CDH4: variants seen among roughly 807,000 people sequenced by gnomAD.
The protein encoded by CDH4 is cadherin 4.
A neutral mutation model predicts 86.0 loss-of-function variants in CDH4; 33 were observed. The observed-to-expected ratio is 0.38, with a 90% confidence interval of 0.29 to 0.51. CDH4 has a LOEUF of 0.51. Among genes scored for constraint, CDH4 ranks in the 20% least tolerant of loss-of-function variants. The pLI is 0.86. For synonymous variants in CDH4, 555 were observed against 549.4 expected (o/e 1.01, Z -0.14); for missense variants, 1,114 against 1,307.4 (o/e 0.85, Z 2.28).
rs372669959 is a variant in CDH4 at position 61,254,799 on chromosome 20, T to C, written c.58-27T>C. ...GATTAAATTTCTGTGAACTTATTGTTTTACACTCTCCCCTTTGTGTTCTCA... is the reference window on the plus strand; with the variant it reads ...GATTAAATTTCTGTGAACTTATTGTCTTACACTCTCCCCTTTGTGTTCTCA... On this transcript the variant is annotated intron_variant, in intron 1 of 15. Transcript: ENST00000614565. The C allele has an allele frequency of 8.2e-6, 11 of 1,338,406 alleles. No homozygotes were observed. In the African/African-American group the frequency reaches 1.6e-4, roughly 19 times the overall value. 82.9% of individuals were successfully genotyped at this position (1,338,406 alleles called of 1,614,324 possible).
intron 2 of CDH4, among the ~76,000 whole-genome samples, chr20:61,299,083 G>C (rs1307975846): frequency 1.3e-5 from 2 of 152,128 alleles, no homozygotes; most frequent in Non-Finnish European, 2.9e-5. Context: ...AAAAATGGGG[G>C]GTCTTTGTAG....
At chr20:61,546,286 G>A (rs539332622) in intron 2 of CDH4, among the ~76,000 whole-genome samples, 115 of 145,312 alleles carry the variant, frequency 7.9e-4, no homozygotes, top group Admixed American at 3.8e-3. Flanking sequence ...TGGTGTGTGC[G>A]CTCGAGTGTG....
At chr20:61,286,097 A>G (rs2084291680) in intron 2 of CDH4, among the ~76,000 whole-genome samples, 1 of 152,206 alleles carries the variant, frequency 6.6e-6, no homozygotes, top group Non-Finnish European at 1.5e-5. Context: ...TCAGAGGGAG[A>G]TGGTGCTCAG....
intron 2 of CDH4, among the ~76,000 whole-genome samples, chr20:61,503,396 A>T (rs2085718612): frequency 6.6e-6 from 1 of 152,228 alleles, no homozygotes; most frequent in African/African-American, 2.4e-5. Flanking sequence ...GGGGTCGTAA[A>T]AGTAAAGATA....
At chr20:61,656,909 A>G (rs959053226) in intron 2 of CDH4, among the ~76,000 whole-genome samples, 2 of 152,162 alleles carry the variant, frequency 1.3e-5, no homozygotes, top group Non-Finnish European at 2.9e-5. Context: ...GCCAGCCTTC[A>G]CAACCATCAG....
chr20:61,546,397 A>G (rs1180516095), intron 2 of CDH4, among the ~76,000 whole-genome samples: 1 of 149,278 alleles, frequency 6.7e-6, no homozygotes, highest in Non-Finnish European at 1.5e-5. Flanking sequence ...GCACACATGC[A>G]TGTGCGTGTG....
intron 4 of CDH4, among the ~76,000 whole-genome samples, chr20:61,822,859 C>T (rs1268636185): frequency 5.9e-5 from 9 of 152,338 alleles, no homozygotes; most frequent in East Asian, 1.9e-4. Context: ...GCCTTCCTCC[C>T]GTGATCTGTG....
Position 61,376,497 on chromosome 20 carries a change from A to G in CDH4, c.169+121560A>G, listed in dbSNP as rs981488652. ...GAAGTGGGGCAGGGGAACCTGCAGC[A>G]GGGACTGAGAGGGACATGGTGAGGA... On this transcript the variant is annotated intron_variant, in intron 2 of 15. Coordinates refer to ENST00000614565, the MANE Select transcript of CDH4 (RefSeq NM_001794.5). Among the ~76,000 whole-genome samples, 3 of 152,150 alleles carry G rather than the reference A, an allele frequency of 2.0e-5. No homozygotes were observed. In the South Asian group the frequency reaches 6.2e-4, roughly 32 times the overall value.
intron 2 of CDH4, among the ~76,000 whole-genome samples, chr20:61,263,502 C>T (rs551792293): frequency 3.9e-5 from 6 of 152,324 alleles, no homozygotes; most frequent in South Asian, 2.1e-4. Flanking sequence ...TCTCATTTAA[C>T]GCTGTCAGGA....
chr20:61,743,875 C>T, intron 3 of CDH4, 86 bp downstream of exon 3: 1 of 1,015,972 alleles, frequency 9.8e-7, no homozygotes, highest in Non-Finnish European at 1.5e-6. Flanking sequence ...TGCCAGGGCT[C>T]CCACAGGACA....
chr20:61,565,299 C>CGGTGCTCTTGGTGGTGGCGGTGCTCTTGT (rs2086279427), intron 2 of CDH4, among the ~76,000 whole-genome samples: 1 of 10,042 alleles, frequency 1.0e-4, no homozygotes, highest in Non-Finnish European at 1.7e-4. Context: ...ATGGTGGTGG[C>CGGTGCTCTTGGTGGTGGCGGTGCTCTTGT]GGTGCTCTTG....
chr20:61,306,853 G>A (rs2084419924), intron 2 of CDH4, among the ~76,000 whole-genome samples: 1 of 152,188 alleles, frequency 6.6e-6, no homozygotes, highest in Middle Eastern at 3.4e-3. Context: ...ACTTTGTGTC[G>A]ACAGAGCCCC....
chr20:61,286,909 A>G (rs1037695333), intron 2 of CDH4, among the ~76,000 whole-genome samples: 7 of 152,222 alleles, frequency 4.6e-5, no homozygotes, highest in African/African-American at 1.4e-4. Flanking sequence ...AGAATGGGCA[A>G]GTTAACTCCA....
At chr20:61,832,217 G>A (rs1471815865) in intron 4 of CDH4, among the ~76,000 whole-genome samples, 1 of 152,236 alleles carries the variant, frequency 6.6e-6, no homozygotes, top group African/African-American at 2.4e-5. Flanking sequence ...CAGAGCAGGG[G>A]CACTGGGGCC....
chr20:61,703,698 G>A lies in CDH4; in HGVS notation c.170-39865G>A, dbSNP rs574924450. Among the ~76,000 whole-genome samples the A allele has an allele frequency of 1.0e-3, 154 of 152,336 alleles. No homozygotes were observed. Among genetic ancestry groups the A allele is most frequent in the Non-Finnish European group, 2.1e-3 (140 of 68,030 alleles). Reference sequence around the variant, plus strand: ...GCTGTCCATGTCTCATCTGGGCCCTGGTGATGAGGTGGCTCCACTCGGGGC... The same window carrying A: ...GCTGTCCATGTCTCATCTGGGCCCTAGTGATGAGGTGGCTCCACTCGGGGC... On this transcript the variant is annotated intron_variant, in intron 2 of 15. Coordinates refer to ENST00000614565, the MANE Select transcript of CDH4 (RefSeq NM_001794.5). This position sits in a 1 kb window ranked among gnomAD's most constrained non-coding sequence, Gnocchi z 4.3.
rs1223953061 is a variant in CDH4 at position 61,743,909 on chromosome 20, G to A, written c.396+120G>A. The A allele has an allele frequency of 1.7e-4, 134 of 775,806 alleles. No individual in the cohort carries two copies. The East Asian group carries it at 3.3e-3, about 19-fold the overall frequency. 48.1% of individuals were successfully genotyped at this position (775,806 alleles called of 1,614,324 possible). ...CAGACAGTCACCTCCTCCTCGGGCT[G>A]TGCCACTCAGGCCATTGCCAACCAA... On this transcript the variant is annotated intron_variant, in intron 3 of 15. Coordinates refer to ENST00000614565, the MANE Select transcript of CDH4 (RefSeq NM_001794.5).
At position 61,561,511 on chromosome 20, in the gene CDH4, A is replaced by G. The variant is rs144768552; in HGVS notation, c.170-182052A>G. Among the ~76,000 whole-genome samples the G allele has an allele frequency of 5.3e-3, 800 of 152,354 alleles. 3 individuals are homozygous for G. The highest frequency in any genetic ancestry group is 0.017 in the Middle Eastern group (5 of 294). On this transcript the variant is annotated intron_variant, in intron 2 of 15. Transcript: ENST00000614565. ...CTGCGTGTGTCCAATGTACTTAGAA[A>G]AGGAATGATGCTTTAGGAGAATCTG...
chr20:61,277,861 G>A (rs1373298107), intron 2 of CDH4, among the ~76,000 whole-genome samples: 1 of 152,216 alleles, frequency 6.6e-6, no homozygotes, highest in African/African-American at 2.4e-5. Context: ...TGTAGCTCAT[G>A]AGCGTTCTGA....
intron 2 of CDH4, among the ~76,000 whole-genome samples, chr20:61,308,866 C>A (rs1023837746): frequency 8.5e-5 from 13 of 152,162 alleles, no homozygotes; most frequent in African/African-American, 3.1e-4. Context: ...TTACTTAAGC[C>A]CTGATCAAAG....
Sources: allele counts gnomAD v4.1 joint callset (sites outside exome capture counted in the v4.1 genomes callset), GRCh38; gene constraint gnomAD v4.1.1; non-coding constraint Gnocchi (gnomAD v3.1); transcripts MANE v1.5; gene names NCBI Gene and HGNC (gene_info 2026-07-23, HGNC 2026-07-21).